Variants in ARHGAP15 observed in about 807,000 individuals in gnomAD.
ARHGAP15 encodes rho GTPase-activating protein 15.
Under a neutral mutation model 63.7 loss-of-function variants are expected in ARHGAP15, and 51 were observed. The observed-to-expected ratio is 0.80, with a 90% CI of 0.64 to 1.01. The LOEUF is 1.01. ARHGAP15 is among the 50% of genes least tolerant of loss of function. The pLI, the probability that ARHGAP15 is intolerant of heterozygous loss-of-function variation, is 0.00. For missense variants in ARHGAP15, 560 were observed against 564.6 expected (o/e 0.99, Z 0.08); for synonymous variants, 191 against 193.8 (o/e 0.99, Z 0.12).
At chr2:143,565,391 A>T (rs947323364) in intron 11 of ARHGAP15, among the ~76,000 whole-genome samples, 1 of 152,148 alleles carries the variant, frequency 6.6e-6, no homozygotes, top group Non-Finnish European at 1.5e-5. Context: ...AGGAAACTTG[A>T]TTCATTTTTG....
At chr2:143,446,937 G>A (rs1318051625) in intron 8 of ARHGAP15, among the ~76,000 whole-genome samples, 1 of 152,104 alleles carries the variant, frequency 6.6e-6, no homozygotes, top group Non-Finnish European at 1.5e-5. Flanking sequence ...TTTCATCCAT[G>A]TCCCTACAAA....
intron 6 of ARHGAP15, among the ~76,000 whole-genome samples, chr2:143,308,269 T>G (rs1160208755): frequency 6.6e-6 from 1 of 152,108 alleles, no homozygotes; most frequent in Non-Finnish European, 1.5e-5. Context: ...TCTCATACTC[T>G]ATTAAACATT....
chr2:143,525,699 T>A (rs1161948042), intron 10 of ARHGAP15, among the ~76,000 whole-genome samples: 1 of 152,110 alleles, frequency 6.6e-6, no homozygotes, highest in Non-Finnish European at 1.5e-5. Flanking sequence ...GGGTCCAAGC[T>A]GGAATTGGCT....
chr2:143,146,940 T>C (rs759821780), intron 1 of ARHGAP15, among the ~76,000 whole-genome samples: 4 of 152,084 alleles, frequency 2.6e-5, no homozygotes, highest in Admixed American at 6.6e-5. Flanking sequence ...TGTTAATTAC[T>C]GTCAAGTACT....
intron 6 of ARHGAP15, among the ~76,000 whole-genome samples, chr2:143,282,680 C>T (rs1471500791): frequency 1.3e-5 from 2 of 152,006 alleles, no homozygotes; most frequent in Non-Finnish European, 2.9e-5. Flanking sequence ...ATTAATTGCT[C>T]CATCTTAAAC....
intron 5 of ARHGAP15, among the ~76,000 whole-genome samples, chr2:143,243,946 A>G (rs1313889878): frequency 6.6e-6 from 1 of 152,052 alleles, no homozygotes; most frequent in Non-Finnish European, 1.5e-5. Context: ...TTGTTTTTTT[A>G]TCTGTCATAC....
chr2:143,130,601 G>T (rs532066253), intron 1 of ARHGAP15, among the ~76,000 whole-genome samples: 1 of 152,002 alleles, frequency 6.6e-6, no homozygotes, highest in African/African-American at 2.4e-5. Context: ...TTTTGACATG[G>T]TCAATTTAGT....
chr2:143,741,931 G>GA (rs1685977982), intron 13 of ARHGAP15, among the ~76,000 whole-genome samples: 1 of 152,040 alleles, frequency 6.6e-6, no homozygotes, highest in African/African-American at 2.4e-5. Context: ...CTAAGTTATA[G>GA]AAAAAGGAAG....
chr2:143,154,516 G>T (rs183367796), intron 1 of ARHGAP15, among the ~76,000 whole-genome samples: 13 of 151,972 alleles, frequency 8.6e-5, no homozygotes, highest in African/African-American at 2.4e-4. Context: ...AGTGCTCGGA[G>T]CCCGCTATAG....
intron 11 of ARHGAP15, among the ~76,000 whole-genome samples, chr2:143,600,446 C>A (rs1233961550): frequency 2.0e-5 from 3 of 152,098 alleles, no homozygotes; most frequent in African/African-American, 4.8e-5. Context: ...GCCTTCATAT[C>A]CTAATCAGCT....
At chr2:143,625,095 T>A (rs1370040031) in intron 12 of ARHGAP15, among the ~76,000 whole-genome samples, 1 of 152,166 alleles carries the variant, frequency 6.6e-6, no homozygotes, top group Non-Finnish European at 1.5e-5. Flanking sequence ...TGGAAAAAGT[T>A]TCCTGGCAAG....
chr2:143,161,399 A>C (rs1223492172), intron 2 of ARHGAP15, among the ~76,000 whole-genome samples: 1 of 151,948 alleles, frequency 6.6e-6, no homozygotes, highest in Non-Finnish European at 1.5e-5. Context: ...CCTATGATGG[A>C]GCATTTGTTT....
At chr2:143,550,444 A>G (rs1172842234) in intron 10 of ARHGAP15, among the ~76,000 whole-genome samples, 1 of 152,228 alleles carries the variant, frequency 6.6e-6, no homozygotes, top group Non-Finnish European at 1.5e-5. Flanking sequence ...GAAGGAGGGT[A>G]GTTGATGCTG....
At chr2:143,445,948 A>T (rs1174332860) in intron 8 of ARHGAP15, among the ~76,000 whole-genome samples, 1 of 151,930 alleles carries the variant, frequency 6.6e-6, no homozygotes, top group African/African-American at 2.4e-5. Flanking sequence ...TTATTTGTAA[A>T]AATCCAGTTT....
At chr2:143,734,735 C>A (rs1039683157) in intron 13 of ARHGAP15, among the ~76,000 whole-genome samples, 2 of 152,124 alleles carry the variant, frequency 1.3e-5, no homozygotes, top group African/African-American at 4.8e-5. Context: ...GATAAAGGTC[C>A]TATTTTAGCA....
At chr2:143,210,351 C>G (rs1376750) in intron 3 of ARHGAP15, among the ~76,000 whole-genome samples, 44 of 151,244 alleles carry the variant, frequency 2.9e-4, no homozygotes, top group Non-Finnish European at 4.9e-4. Context: ...ATGAACACAC[C>G]GGTTGCCAGA....
chr2:143,588,149 G>T (rs941619383), intron 11 of ARHGAP15, among the ~76,000 whole-genome samples: 1 of 152,116 alleles, frequency 6.6e-6, no homozygotes, highest in African/African-American at 2.4e-5. Flanking sequence ...TTTTGGACAG[G>T]AGCTCTGGGA....
intron 6 of ARHGAP15, among the ~76,000 whole-genome samples, chr2:143,282,188 T>A (rs1304742909): frequency 6.6e-6 from 1 of 152,030 alleles, no homozygotes; most frequent in Non-Finnish European, 1.5e-5. Flanking sequence ...TAATCTGCCC[T>A]CGTATGGAAG....
chr2:143,235,594 A>G (rs997349387), intron 5 of ARHGAP15, among the ~76,000 whole-genome samples: 12 of 152,336 alleles, frequency 7.9e-5, no homozygotes, highest in Admixed American at 2.6e-4. Context: ...TTTAACAAAC[A>G]TATACTGAAC....
Sources: gnomAD v4.1 joint callset for allele counts (sites outside exome capture counted in the v4.1 genomes callset) on GRCh38, gnomAD v4.1.1 for gene constraint, MANE v1.5 for transcripts, NCBI Gene and HGNC (gene_info 2026-07-23, HGNC 2026-07-21) for gene names.